NFATC1: variants seen among roughly 807,000 people sequenced by gnomAD.
NFATC1 encodes the protein nuclear factor of activated T cells 1.
In NFATC1, 22 loss-of-function variants were observed where a neutral mutation model predicts 76.0. The ratio of observed to expected loss-of-function variants is 0.29; its 90% CI spans 0.21 to 0.41. The LOEUF (loss-of-function observed/expected upper bound fraction) is 0.41. Ranked by LOEUF, NFATC1 falls within the 10% of genes least tolerant of loss-of-function variation. The pLI is 1.00. For synonymous variants in NFATC1, 704 were observed against 613.1 expected (o/e 1.15, Z -2.19); for missense variants, 1,357 against 1,337.7 (o/e 1.01, Z -0.23).
rs200971296 is a variant in NFATC1, at chr18:79,486,253, A to G, written c.2098A>G (p.Ile700Val). The G allele has an allele frequency of 3.1e-6, 5 of 1,595,784 alleles. No homozygotes were observed. Among genetic ancestry groups the G allele is most frequent in the East Asian group, 4.5e-5 (2 of 44,470 alleles). Residue 700 changes from isoleucine to valine, a missense_variant, in exon 9 of 10, where the codon ATT becomes GTT. Coordinates refer to ENST00000427363, the MANE Select transcript of NFATC1 (RefSeq NM_001278669.2). Reference protein sequence around the residue: ...RFTYLPANVPIIKTEPTDDYE... With the variant: ...RFTYLPANVPVIKTEPTDDYE... ...TTTTTTTTTCCTTCTCACAGTTCCAATTATAAAAACAGAACCCACTGATGA... is the reference window on the plus strand; with the variant it reads ...TTTTTTTTTCCTTCTCACAGTTCCAGTTATAAAAACAGAACCCACTGATGA...
intron 8 of NFATC1, among the ~76,000 whole-genome samples, chr18:79,472,558 C>T (rs772864651): frequency 1.3e-5 from 2 of 152,222 alleles, no homozygotes; most frequent in Admixed American, 6.5e-5. Context: ...AGATGCTCAG[C>T]GGCCCCAAAT....
intron 9 of NFATC1, among the ~76,000 whole-genome samples, chr18:79,513,801 A>G (rs981841817): frequency 1.5e-4 from 23 of 152,306 alleles, no homozygotes; most frequent in African/African-American, 4.6e-4. Flanking sequence ...GACACTCACC[A>G]TGAGGGGAGG....
At chr18:79,482,945 G>T (rs1488897272) in intron 8 of NFATC1, among the ~76,000 whole-genome samples, 7 of 143,520 alleles carry the variant, frequency 4.9e-5, no homozygotes, top group Non-Finnish European at 1.1e-4. Flanking sequence ...CGTTCCTGGG[G>T]TGTAATTCCA....
intron 8 of NFATC1, chr18:79,468,910 GGGAA>G (rs34829175): frequency 0.019 from 2,678 of 144,370 alleles, 94 homozygotes; most frequent in African/African-American, 0.069. Flanking sequence ...CGGGATTGTG[GGGAA>G]GAGCCTCATG....
intron 3 of NFATC1, among the ~76,000 whole-genome samples, chr18:79,443,649 C>T (rs1203353247): frequency 6.6e-6 from 1 of 152,266 alleles, no homozygotes; most frequent in Non-Finnish European, 1.5e-5. Flanking sequence ...TCTGCCCAGC[C>T]TCTGCCTCGG....
At chr18:79,439,617 C>G (rs1179611098) in intron 3 of NFATC1, among the ~76,000 whole-genome samples, 1 of 152,242 alleles carries the variant, frequency 6.6e-6, no homozygotes, top group African/African-American at 2.4e-5. Flanking sequence ...GTTCCACATA[C>G]GCCGTTGTTC....
chr18:79,479,902 C>T (rs540320422), intron 8 of NFATC1, among the ~76,000 whole-genome samples: 283 of 152,362 alleles, frequency 1.9e-3, no homozygotes, highest in Non-Finnish European at 3.4e-3. Flanking sequence ...TGGCACAAGA[C>T]GCCGCTGCCA....
intron 8 of NFATC1, among the ~76,000 whole-genome samples, chr18:79,482,338 C>T (rs112449985): frequency 1.6e-5 from 2 of 124,258 alleles, no homozygotes; most frequent in African/African-American, 6.3e-5. Flanking sequence ...GTCATTCCAG[C>T]GTGACCTGGT....
chr18:79,516,814 C>A (rs140199096), intron 9 of NFATC1, among the ~76,000 whole-genome samples: 1 of 152,196 alleles, frequency 6.6e-6, no homozygotes, highest in Non-Finnish European at 1.5e-5. Flanking sequence ...TTTTCCTCTT[C>A]GCTTCCTATT....
At chr18:79,422,601 G>A (rs942394479) in intron 2 of NFATC1, 5 of 152,428 alleles carry the variant, frequency 3.3e-5, no homozygotes, top group East Asian at 3.9e-4. Context: ...GAGGGTGTAC[G>A]GCATGGGGCC....
chr18:79,525,048 C>T (rs952719449), intron 9 of NFATC1, among the ~76,000 whole-genome samples: 23 of 115,366 alleles, frequency 2.0e-4, no homozygotes, highest in Non-Finnish European at 2.9e-4. Flanking sequence ...GTCCCACCGT[C>T]GTTACCCCTC....
intron 2 of NFATC1, among the ~76,000 whole-genome samples, chr18:79,427,466 T>TA (rs1443759984): frequency 1.6e-4 from 2 of 12,702 alleles, no homozygotes; most frequent in Non-Finnish European, 2.9e-4. Flanking sequence ...GTGCGGTGGG[T>TA]GGGGGCTGTA....
intron 2 of NFATC1, 125 bp from the exon 3 acceptor site, chr18:79,433,454 C>T (rs1179833642): frequency 2.6e-6 from 3 of 1,135,594 alleles, no homozygotes; most frequent in African/African-American, 3.0e-5. Context: ...TCTCCATCTC[C>T]ATGTCAGGAC....
intron 3 of NFATC1, among the ~76,000 whole-genome samples, chr18:79,440,038 T>G (rs928477412): frequency 6.6e-6 from 1 of 152,156 alleles, no homozygotes; most frequent in African/African-American, 2.4e-5. Flanking sequence ...GTTCCACAGC[T>G]CCACTGCCTG....
intron 1 of NFATC1, among the ~76,000 whole-genome samples, chr18:79,408,479 A>C (rs902030823): frequency 1.3e-5 from 2 of 152,230 alleles, no homozygotes; most frequent in East Asian, 3.8e-4. Context: ...ATTGAGTGTA[A>C]TTAACACATA....
In NFATC1 at chr18:79,410,675, C is replaced by G. The variant is rs1186669190; in HGVS notation, c.400C>G (p.Gln134Glu). 6.2e-7 allele frequency: 1 copy of G among 1,613,160 alleles called. No individual in the cohort carries two copies. The highest frequency in any genetic ancestry group is 1.1e-5 in the South Asian group (1 of 91,084). Residue 134 changes from glutamine (Q) to glutamate (E), a missense_variant, in exon 2 of 10, where the codon CAG becomes GAG. By Grantham distance (29) the Gln-to-Glu change is conservative (BLOSUM62 2). This residue lies in a region of NFATC1 where 691 missense variants were observed against 613.1 expected (regional missense o/e 1.13). Transcript: ENST00000427363. The surrounding 1 kb of genome is among the most constrained non-coding windows in gnomAD (Gnocchi z 6.7). Reference protein sequence around the residue: ...SCLGLYHNNNQFFHDVEVEDV... With the variant: ...SCLGLYHNNNEFFHDVEVEDV... The stretch of plus-strand genomic sequence containing the variant: ...CTTGGGCCTGTACCACAACAATAAC[C>G]AGTTTTTCCACGATGTGGAGGTGGA...
At position 79,510,129 on chromosome 18, in the gene NFATC1, G is replaced by GC. The variant is rs796932087; in HGVS notation, c.2783-17391dup. ...TGCTTAGTTTTCCAGATAACTCATA[G>GC]CCCCCCCCAAGGAGGAAATTCAGAC... On this transcript the variant is annotated intron_variant, in intron 9 of 9. Transcript: ENST00000427363. Among the ~76,000 whole-genome samples, 129 of 151,926 alleles carry GC rather than the reference G, an allele frequency of 8.5e-4. 1 individual carries two copies. The highest frequency in any genetic ancestry group is 2.3e-3 in the African/African-American group (95 of 41,430).
At chr18:79,429,271 C>T (rs895104510) in intron 2 of NFATC1, among the ~76,000 whole-genome samples, 15 of 150,304 alleles carry the variant, frequency 1.0e-4, no homozygotes, top group African/African-American at 3.7e-4. Flanking sequence ...GAAAAACACC[C>T]TTTGGCTCTG....
chr18:79,403,612 A>G (rs1033267687), intron 1 of NFATC1, among the ~76,000 whole-genome samples: 1 of 152,262 alleles, frequency 6.6e-6, no homozygotes, highest in African/African-American at 2.4e-5. Flanking sequence ...AAATTGGCCA[A>G]GGCCTCTGTG....
Sources: allele counts gnomAD v4.1 joint callset (sites outside exome capture counted in the v4.1 genomes callset), GRCh38; gene constraint gnomAD v4.1.1; regional missense constraint gnomAD v4.1.1; non-coding constraint Gnocchi (gnomAD v3.1); transcripts MANE v1.5; gene names NCBI Gene and HGNC (gene_info 2026-07-23, HGNC 2026-07-21).